Variants in ARID4A observed in about 807,000 individuals in gnomAD.
ARID4A encodes the protein AT-rich interactive domain-containing protein 4A.
In ARID4A, 39 loss-of-function variants were observed where a neutral mutation model predicts 148.6. That is an observed-to-expected ratio of 0.26 (90% CI 0.20 to 0.34). The LOEUF (loss-of-function observed/expected upper bound fraction) is 0.34. Ranked by LOEUF, ARID4A falls within the 10% of genes least tolerant of loss-of-function variation. The pLI is 1.00. For synonymous variants in ARID4A, 475 were observed against 481.2 expected, an observed-to-expected ratio of 0.99 and a Z score of 0.17; for missense variants, 1,265 against 1,449.1, an observed-to-expected ratio of 0.87 and a Z score of 2.06.
intron 1 of ARID4A, among the ~76,000 whole-genome samples, chr14:58,299,020 C>T (rs1188501211): frequency 1.3e-5 from 2 of 152,188 alleles, no homozygotes; most frequent in African/African-American, 2.4e-5. Flanking sequence ...CCCCCAACTC[C>T]GCGGCGCGTC....
At chr14:58,299,774 G>T (rs1418418706) in intron 1 of ARID4A, 24 bp from the exon 2 acceptor site, 3 of 1,594,098 alleles carry the variant, frequency 1.9e-6, no homozygotes, top group East Asian at 2.2e-5. Context: ...TTATGTCTGT[G>T]CCTGTCTTTC....
chr14:58,321,156 T>G (rs993327864), intron 7 of ARID4A, among the ~76,000 whole-genome samples: 1 of 152,220 alleles, frequency 6.6e-6, no homozygotes, highest in African/African-American at 2.4e-5. Flanking sequence ...TTTTCCCCTT[T>G]GTAAAATCTG....
chr14:58,325,310 G>C (rs1055958392), intron 8 of ARID4A, among the ~76,000 whole-genome samples: 3 of 152,044 alleles, frequency 2.0e-5, no homozygotes, highest in Non-Finnish European at 2.9e-5. Context: ...TTTTGAGAGA[G>C]GATCTTTGTT....
At position 58,306,089 on chromosome 14, in the gene ARID4A, C is replaced by T. The variant is rs1434436729; in HGVS notation, c.251C>T (p.Thr84Ile). 1 of 1,613,130 alleles carries T rather than the reference C, an allele frequency of 6.2e-7. No homozygotes were observed. Among genetic ancestry groups the T allele is most frequent in the East Asian group, 2.2e-5 (1 of 44,788 alleles). Residue 84 changes from threonine (T) to isoleucine (I), a missense_variant, in exon 5 of 24, where the codon ACA becomes ATA. Thr to Ile is a moderately conservative substitution (Grantham distance 89). This residue lies in a region of ARID4A where 21 missense variants were observed against 36.5 expected (regional missense o/e 0.58). Coordinates refer to ENST00000355431, the MANE Select transcript of ARID4A (RefSeq NM_002892.4). ...CAGGAAGCTATTATCAGCAAGTTGA[C>T]AGATGCTAGTTGGTATACCGTGGGT... ...SFQEAIISKL[T>I]DASWYTVVFD...
At chr14:58,338,871 T>C (rs909517928) in intron 11 of ARID4A, among the ~76,000 whole-genome samples, 4 of 151,108 alleles carry the variant, frequency 2.6e-5, no homozygotes, top group South Asian at 4.2e-4. Context: ...AGTCCTTTGG[T>C]ATTGAAAAAA....
At chr14:58,349,394 C>T (rs928605125) in intron 15 of ARID4A, among the ~76,000 whole-genome samples, 1 of 151,978 alleles carries the variant, frequency 6.6e-6, no homozygotes, top group African/African-American at 2.4e-5. Flanking sequence ...TGCCTGTAAT[C>T]CCAGCACTTT....
intron 17 of ARID4A, among the ~76,000 whole-genome samples, chr14:58,357,450 A>G (rs2034929335): frequency 1.3e-5 from 2 of 152,222 alleles, no homozygotes; most frequent in African/African-American, 4.8e-5. Flanking sequence ...AAGCAAGAAT[A>G]TGGTTTCCAG....
rs765933222 is a variant in ARID4A at position 58,372,307 on chromosome 14, T to TA, written c.*319dup. The TA allele has an allele frequency of 1.4e-5, 4 of 291,104 alleles. No individual in the cohort carries two copies. Among genetic ancestry groups the TA allele is most frequent in the African/African-American group, 8.6e-5 (4 of 46,376 alleles). The allele number at this position is 291,104 out of a possible 1,614,324, so 18.0% of individuals were successfully genotyped here. Reference sequence around the variant, plus strand: ...TTTGTATAATAAAGCTTTCAGGTGTTACAGAAATCGTAGACAAGCAAGTGC... The same window carrying TA: ...TTTGTATAATAAAGCTTTCAGGTGTTAACAGAAATCGTAGACAAGCAAGTGC... On this transcript the variant is annotated 3_prime_UTR_variant, in exon 24 of 24. Transcript: ENST00000355431.
In ARID4A at chr14:58,318,634, G is replaced by A. The variant is rs114044686; in HGVS notation, c.354+13G>A. On this transcript the variant is annotated intron_variant, in intron 6 of 23. Transcript: ENST00000355431. ...TGCAGAGAGTGAGGTAGGGTGACAC[G>A]GATGGACGATTTGGATTGAACTACA... The A allele has an allele frequency of 1.7e-4, 270 of 1,613,978 alleles. No homozygotes were observed. The highest frequency in any genetic ancestry group is 7.3e-4 in the African/African-American group (55 of 75,044).
At chr14:58,330,456 A>C (rs182918783) in intron 11 of ARID4A, among the ~76,000 whole-genome samples, 2 of 152,268 alleles carry the variant, frequency 1.3e-5, no homozygotes, top group Admixed American at 1.3e-4. Context: ...GAGGGAAAAA[A>C]ATGTAATTTT....
intron 15 of ARID4A, 132 bp from the exon 16 acceptor site, chr14:58,350,941 C>A: frequency 1.3e-6 from 1 of 752,404 alleles, no homozygotes; most frequent in Non-Finnish European, 2.0e-6. Flanking sequence ...AGAAAGGTAC[C>A]TTTGAGTTGG....
intron 3 of ARID4A, among the ~76,000 whole-genome samples, chr14:58,303,231 A>G (rs1160849225): frequency 1.3e-5 from 2 of 152,198 alleles, no homozygotes; most frequent in African/African-American, 4.8e-5. Flanking sequence ...CATATAATGT[A>G]TGGTGATTAA....
chr14:58,347,916 T>C, intron 15 of ARID4A, 38 bp downstream of exon 15: 2 of 1,438,206 alleles, frequency 1.4e-6, no homozygotes, highest in African/African-American at 1.4e-5. Context: ...GTTTAAGTAT[T>C]ATTTAAAATT....
At chr14:58,349,882 G>A (rs1202170882) in intron 15 of ARID4A, among the ~76,000 whole-genome samples, 2 of 152,000 alleles carry the variant, frequency 1.3e-5, no homozygotes, top group Admixed American at 6.5e-5. Context: ...AGGCCGAGGC[G>A]GGCGGATCAC....
chr14:58,324,235 T>A (rs2033092558), intron 8 of ARID4A, among the ~76,000 whole-genome samples: 1 of 152,156 alleles, frequency 6.6e-6, no homozygotes, highest in Admixed American at 6.6e-5. Flanking sequence ...TCTTTACTGT[T>A]AATTCAGATT....
Position 58,351,337 on chromosome 14 carries a change from T to A in ARID4A, c.1655+14T>A. The A allele has an allele frequency of 6.3e-7, 1 of 1,584,914 alleles. No individual in the cohort carries two copies. The highest frequency in any genetic ancestry group is 8.5e-7 in the Non-Finnish European group (1 of 1,172,236). ...AAGCCAAGAGAGGTACATTATCTTA[T>A]GTTTGTTCTCCAGAAGCACCTGTCT... On this transcript the variant is annotated intron_variant, in intron 16 of 23. Transcript: ENST00000355431.
Position 58,344,729 on chromosome 14 carries a change from A to G in ARID4A, c.941A>G (p.Asn314Ser), listed in dbSNP as rs755283034. 1.5e-5 allele frequency: 25 copies of G among 1,613,190 alleles called. No homozygotes were observed. Among genetic ancestry groups the G allele is most frequent in the East Asian group, 2.2e-5 (1 of 44,828 alleles). The change falls in exon 12 of 24, where the codon AAC becomes AGC. Residue 314 changes from asparagine (N) to serine (S), a missense_variant. Transcript: ENST00000355431. ...EEELDPEERD[N>S]FLQQLYKFME... ...GAACTTGATCCTGAAGAGAGGGACAACTTCCTCCAGCAGCTTTATAAGTTT... is the reference window on the plus strand; with the variant it reads ...GAACTTGATCCTGAAGAGAGGGACAGCTTCCTCCAGCAGCTTTATAAGTTT...
At chr14:58,317,208 A>AT (rs1246939925) in intron 5 of ARID4A, among the ~76,000 whole-genome samples, 1 of 150,278 alleles carries the variant, frequency 6.7e-6, no homozygotes. Context: ...AAAAAAAAAA[A>AT]GTAGTAAAAG....
chr14:58,365,649 G>A, intron 21 of ARID4A, 27 bp downstream of exon 21: 1 of 1,580,926 alleles, frequency 6.3e-7, no homozygotes, highest in Non-Finnish European at 8.7e-7. Context: ...GCTAGCTTTT[G>A]TATAGTGTTA....
Sources: gnomAD v4.1 joint callset for allele counts (sites outside exome capture counted in the v4.1 genomes callset) on GRCh38, gnomAD v4.1.1 for gene constraint, gnomAD v4.1.1 regional missense constraint, MANE v1.5 for transcripts, NCBI Gene and HGNC (gene_info 2026-07-23, HGNC 2026-07-21) for gene names.